The following FAM76B variants were observed in gnomAD, a reference collection of about 807,000 sequenced individuals.
FAM76B encodes the protein protein FAM76B.
A neutral mutation model predicts 51.8 loss-of-function variants in FAM76B; 16 were observed. The observed-to-expected ratio is 0.31, with a 90% CI of 0.21 to 0.47. The LOEUF (loss-of-function observed/expected upper bound fraction) is 0.47, where lower values mean the gene tolerates loss of function less well. Among genes scored for constraint, FAM76B ranks in the 20% least tolerant of loss-of-function variants. The probability of loss-of-function intolerance (pLI) is 1.00; values close to 1 mark genes in which losing one functional copy is unlikely to be tolerated. For synonymous variants in FAM76B, 166 were observed against 129.5 expected (o/e 1.28, Z -1.91); for missense variants, 342 against 392.6 (o/e 0.87, Z 1.09).
chr11:95,788,407 A>G, intron 2 of FAM76B, 92 bp downstream of exon 2: 1 of 1,063,870 alleles, frequency 9.4e-7, no homozygotes, highest in Non-Finnish European at 1.4e-6. Flanking sequence ...TTTTTTAAAA[A>G]TACTTTCATA....
intron 9 of FAM76B, among the ~76,000 whole-genome samples, chr11:95,774,054 C>G (rs1010980245): frequency 6.6e-6 from 1 of 151,234 alleles, no homozygotes; most frequent in African/African-American, 2.4e-5. Flanking sequence ...AAAAAGATGG[C>G]ACTCAGCTAT....
In FAM76B at chr11:95,787,270, GT is replaced by G. The variant is rs761434074; in HGVS notation, c.207+353del. Among the ~76,000 whole-genome samples, 234 of 151,644 alleles carry G rather than the reference GT, an allele frequency of 1.5e-3. 3 individuals are homozygous for G. The highest frequency in any genetic ancestry group is 2.8e-4 in the Non-Finnish European group (19 of 67,920). On this transcript the variant is annotated intron_variant, in intron 3 of 9. Transcript: ENST00000358780. ...TTTTTTCGAGACGCAGTCTCGCTCT[GT>G]CCCCCAGGCTGGAGTGCAGTGGCAG... is the stretch of plus-strand genomic sequence containing the variant.
intron 5 of FAM76B, among the ~76,000 whole-genome samples, chr11:95,782,435 T>A (rs576397752): frequency 1.1e-4 from 17 of 151,934 alleles, no homozygotes; most frequent in Non-Finnish European, 1.6e-4. Context: ...AGAACTGGAG[T>A]ATATGCAAAT....
chr11:95,779,322 T>A, intron 7 of FAM76B: 1 of 516,796 alleles, frequency 1.9e-6, no homozygotes, highest in Non-Finnish European at 3.3e-6. Flanking sequence ...CACAATTAGA[T>A]TTGTGTTTCA....
chr11:95,787,926 C>T (rs535051750), intron 2 of FAM76B, among the ~76,000 whole-genome samples: 1 of 152,118 alleles, frequency 6.6e-6, no homozygotes, highest in Non-Finnish European at 1.5e-5. Context: ...CTATATAGCT[C>T]CAAAATCTTC....
chr11:95,775,184 C>T (rs1034070199), intron 9 of FAM76B, among the ~76,000 whole-genome samples: 2 of 151,344 alleles, frequency 1.3e-5, no homozygotes, highest in African/African-American at 4.8e-5. Flanking sequence ...TCAAAGAGAA[C>T]ATGTAATTAA....
At chr11:95,786,433 A>G in intron 3 of FAM76B, 159 bp from the exon 4 acceptor site, 1 of 661,106 alleles carries the variant, frequency 1.5e-6, no homozygotes, top group East Asian at 2.8e-5. Flanking sequence ...TAACTTTTAT[A>G]CCATATTTCT....
chr11:95,776,188 T>A (rs779857763), intron 8 of FAM76B, among the ~76,000 whole-genome samples, 165 bp from the exon 9 acceptor site: 1 of 151,552 alleles, frequency 6.6e-6, no homozygotes, highest in Non-Finnish European at 1.5e-5. Flanking sequence ...GGTGAAATGA[T>A]GAAGTCTATC....
chr11:95,775,559 T>C (rs1297673706), intron 9 of FAM76B, among the ~76,000 whole-genome samples: 3 of 151,482 alleles, frequency 2.0e-5, no homozygotes, highest in African/African-American at 4.8e-5. Context: ...GAAATATTAA[T>C]GTGAGGAATG....
intron 8 of FAM76B, among the ~76,000 whole-genome samples, chr11:95,777,629 G>GT (rs1023526489): frequency 3.3e-5 from 5 of 151,204 alleles, no homozygotes; most frequent in Non-Finnish European, 7.4e-5. Flanking sequence ...AAAGACACCC[G>GT]TAACTATCCT....
At chr11:95,775,767 G>A in intron 9 of FAM76B, 155 bp downstream of exon 9, 1 of 441,008 alleles carries the variant, frequency 2.3e-6, no homozygotes, top group Non-Finnish European at 4.0e-6. Flanking sequence ...CTTCTAATGA[G>A]ATCAAGATTA....
rs1241046843 is a variant in FAM76B, at chr11:95,768,989, T to C, written c.*2572A>G. 5 of 152,430 alleles carry C rather than the reference T, an allele frequency of 3.3e-5. No homozygotes were observed. Among genetic ancestry groups the C allele is most frequent in the African/African-American group, 7.2e-5 (3 of 41,440 alleles). The allele number at this position is 152,430 out of a possible 1,614,324, so 9.4% of individuals were successfully genotyped here. On this transcript the variant is annotated 3_prime_UTR_variant, in exon 10 of 10. Transcript: ENST00000358780. The stretch of plus-strand genomic sequence containing the variant: ...GTTTTTTATTGTGAAATATTGGATC[T>C]AGAAAAAAGTACAAAATGTCAACAG...
In FAM76B at chr11:95,789,548, G is replaced by A. The variant is rs1366300205; in HGVS notation, c.-70C>T. 5 of 1,426,528 alleles carry A rather than the reference G, an allele frequency of 3.5e-6. No homozygotes were observed. Among genetic ancestry groups the A allele is most frequent in the South Asian group, 2.5e-5 (2 of 79,096 alleles). The allele number at this position is 1,426,528 out of a possible 1,614,324, so 88.4% of individuals were successfully genotyped here. A position where few individuals can be genotyped will look rare whatever the true frequency, so the allele number is the denominator to read the frequency against. On this transcript the variant is annotated 5_prime_UTR_variant, in exon 1 of 10. Transcript: ENST00000358780. ...GGGCCCTACGGAGAACCCGAGAGCC[G>A]CCGCCGCCCGGGCCGCGGGCTCCTC...
At chr11:95,788,368 T>C (rs893766165) in intron 2 of FAM76B, 131 bp downstream of exon 2, 2 of 741,766 alleles carry the variant, frequency 2.7e-6, no homozygotes, top group African/African-American at 1.8e-5. Context: ...ATAAAAGGTT[T>C]ACAACTTAAA....
rs988914604 is a variant in FAM76B, at chr11:95,789,575, T to C, written c.-97A>G. The C allele has an allele frequency of 1.2e-5, 13 of 1,073,770 alleles. No homozygotes were observed. Among genetic ancestry groups the C allele is most frequent in the Non-Finnish European group, 1.7e-5 (13 of 752,580 alleles). 66.5% of individuals were successfully genotyped at this position (1,073,770 alleles called of 1,614,324 possible). Reference sequence around the variant, plus strand: ...CGCCGCCCGGGCCGCGGGCTCCTCCTCCTCCCCCTCCCCCTGCCTCGCGCC... The same window carrying C: ...CGCCGCCCGGGCCGCGGGCTCCTCCCCCTCCCCCTCCCCCTGCCTCGCGCC... On this transcript the variant is annotated 5_prime_UTR_variant, in exon 1 of 10. Transcript: ENST00000358780.
At position 95,769,899 on chromosome 11, in the gene FAM76B, G is replaced by C. The variant is rs1859694027; in HGVS notation, c.*1662C>G. Reference sequence around the variant, plus strand: ...TTTCAAAATGGACAAAGAATTATTTGGTATTCACTTTATAATGAACTATGA... The same window carrying C: ...TTTCAAAATGGACAAAGAATTATTTCGTATTCACTTTATAATGAACTATGA... On this transcript the variant is annotated 3_prime_UTR_variant, in exon 10 of 10. Transcript: ENST00000358780. The C allele has an allele frequency of 6.6e-6, 1 of 151,102 alleles. No individual in the cohort carries two copies. Among genetic ancestry groups the C allele is most frequent in the Admixed American group, 6.6e-5 (1 of 15,112 alleles). 9.4% of individuals were successfully genotyped at this position (151,102 alleles called of 1,614,324 possible).
intron 9 of FAM76B, among the ~76,000 whole-genome samples, chr11:95,775,365 A>C (rs1324628761): frequency 6.6e-6 from 1 of 151,406 alleles, no homozygotes; most frequent in Non-Finnish European, 1.5e-5. Context: ...TTAAACTGCT[A>C]CTTTGCAGTA....
intron 4 of FAM76B, among the ~76,000 whole-genome samples, chr11:95,784,564 G>GCA (rs1555039429): frequency 2.1e-5 from 3 of 144,452 alleles, no homozygotes; most frequent in Non-Finnish European, 4.5e-5. Flanking sequence ...GTGTGTGTGT[G>GCA]TATATATACA....
intron 8 of FAM76B, among the ~76,000 whole-genome samples, chr11:95,777,300 T>C (rs1025024855): frequency 7.3e-5 from 11 of 151,378 alleles, no homozygotes; most frequent in Non-Finnish European, 1.0e-4. Flanking sequence ...ACAATGCTAA[T>C]TTCAATCCCC....
Sources: allele counts gnomAD v4.1 joint callset (sites outside exome capture counted in the v4.1 genomes callset), GRCh38; gene constraint gnomAD v4.1.1; transcripts MANE v1.5; gene names NCBI Gene and HGNC (gene_info 2026-07-23, HGNC 2026-07-21).